The following CFAP161 variants were observed in gnomAD, a reference collection of about 807,000 sequenced individuals.
CFAP161 encodes cilia and flagella associated protein 161, also known as cilia- and flagella-associated protein 161.
CFAP161 carries 25 observed loss-of-function variants against 29.0 expected under a neutral mutation model. The ratio of observed to expected loss-of-function variants is 0.86; its 90% CI spans 0.63 to 1.20. The LOEUF is 1.20. Among genes scored for constraint, CFAP161 ranks in the 50% most tolerant of loss-of-function variants. The pLI is 0.00. For synonymous variants in CFAP161, 116 were observed against 137.4 expected (o/e 0.84, Z 1.09); for missense variants, 367 against 371.9 (o/e 0.99, Z 0.11).
At chr15:81,138,811 T>C (rs1285573202) in intron 4 of CFAP161, among the ~76,000 whole-genome samples, 2 of 152,210 alleles carry the variant, frequency 1.3e-5, no homozygotes, top group African/African-American at 4.8e-5. Context: ...AACTTGCCTT[T>C]GAGGTAGGGA....
At chr15:81,116,847 A>C (rs1274472688) in intron 1 of CFAP161, among the ~76,000 whole-genome samples, 1 of 152,204 alleles carries the variant, frequency 6.6e-6, no homozygotes, top group Non-Finnish European at 1.5e-5. Context: ...GAAAATTAGG[A>C]GAATTCAGGG....
intron 4 of CFAP161, among the ~76,000 whole-genome samples, chr15:81,143,326 A>G (rs1163945869): frequency 6.6e-6 from 1 of 152,156 alleles, no homozygotes. Context: ...AAAACAAAAC[A>G]AAACAAAACA....
chr15:81,109,848 C>G (rs1005040799), intron 1 of CFAP161, among the ~76,000 whole-genome samples: 1 of 152,074 alleles, frequency 6.6e-6, no homozygotes, highest in African/African-American at 2.4e-5. Flanking sequence ...CCACTGCAGG[C>G]TTCATCTTCA....
At chr15:81,128,110 T>A (rs1567155041) in intron 2 of CFAP161, among the ~76,000 whole-genome samples, 1 of 152,200 alleles carries the variant, frequency 6.6e-6, no homozygotes, top group Non-Finnish European at 1.5e-5. Context: ...TGTGTAAGGC[T>A]GTGGTTTTTG....
chr15:81,123,956 T>G (rs1894607682), intron 1 of CFAP161, among the ~76,000 whole-genome samples: 1 of 152,226 alleles, frequency 6.6e-6, no homozygotes, highest in Non-Finnish European at 1.5e-5. Context: ...GATGGGGTTT[T>G]CTAGATGTAG....
upstream of CFAP161, among the ~76,000 whole-genome samples, chr15:81,133,212 TA>T (rs1567156364): frequency 0.038 from 1,742 of 45,776 alleles, 119 homozygotes; most frequent in Non-Finnish European, 0.058. Context: ...TATATATATA[TA>T]TATATATATA....
intron 1 of CFAP161, among the ~76,000 whole-genome samples, chr15:81,122,683 G>C (rs964829334): frequency 3.3e-5 from 5 of 151,676 alleles, no homozygotes; most frequent in African/African-American, 1.2e-4. Flanking sequence ...ATAGAGACAG[G>C]GTTTCACTAT....
intron 2 of CFAP161, 56 bp downstream of exon 2, chr15:81,135,415 G>A (rs1168876527): frequency 1.6e-6 from 2 of 1,243,726 alleles, no homozygotes; most frequent in Non-Finnish European, 2.3e-6. Flanking sequence ...TGCACAACGT[G>A]CAGGTTTGTT....
chr15:81,120,143 C>A (rs910234239), intron 1 of CFAP161, among the ~76,000 whole-genome samples: 44 of 152,230 alleles, frequency 2.9e-4, no homozygotes, highest in African/African-American at 1.1e-3. Flanking sequence ...AGAAAAACCT[C>A]CTGTAGTGTG....
At chr15:81,116,399 T>G (rs950423429) in intron 1 of CFAP161, among the ~76,000 whole-genome samples, 5 of 152,232 alleles carry the variant, frequency 3.3e-5, no homozygotes, top group Admixed American at 6.5e-5. Flanking sequence ...GTTCAAGTGA[T>G]TCTCCTGCCT....
chr15:81,103,067 C>CATGATGATG lies in CFAP161; in HGVS notation c.-141-24510_-141-24502dup, dbSNP rs10626158. 5.3e-5 allele frequency among the ~76,000 whole-genome samples: 8 copies of CATGATGATG among 151,160 alleles called. No homozygotes were observed. In the East Asian group the frequency reaches 1.4e-3, roughly 26 times the overall value. ...GGAGAAAGAGAAGACCGAGGAAGCA[C>CATGATGATG]ATGATGATGATGATGATGATGGTGA... On this transcript the variant is annotated intron_variant, in intron 1 of 4. Coordinates refer to the CFAP161 transcript ENST00000560091.
At chr15:81,116,175 G>A (rs1372101333) in intron 1 of CFAP161, among the ~76,000 whole-genome samples, 3 of 152,208 alleles carry the variant, frequency 2.0e-5, no homozygotes, top group Non-Finnish European at 4.4e-5. Context: ...TAGGTTACCA[G>A]CTATTAACTG....
At chr15:81,144,949 T>A (rs115420421) in intron 5 of CFAP161, among the ~76,000 whole-genome samples, 2,074 of 152,276 alleles carry the variant, frequency 0.014, 42 homozygotes, top group African/African-American at 0.045. Context: ...GACTGGAACC[T>A]GAGGCATGGT....
At chr15:81,129,706 A>G (rs186561848), upstream of CFAP161, among the ~76,000 whole-genome samples, 16 of 152,272 alleles carry the variant, frequency 1.1e-4, no homozygotes, top group African/African-American at 3.9e-4. Flanking sequence ...CTAACAAGAT[A>G]CTCATCCTGT....
chr15:81,140,273 C>T lies in CFAP161; in HGVS notation c.477+2138C>T, dbSNP rs1415713944. 2.0e-5 allele frequency among the ~76,000 whole-genome samples: 3 copies of T among 152,108 alleles called. No homozygotes were observed. In the East Asian group the frequency reaches 5.8e-4, roughly 29 times the overall value. Reference sequence around the variant, plus strand: ...ATGTTTTTAAGACTGCTTCAGAGATCTGATAAAAAGAAAAACTAGAATTAG... The same window carrying T: ...ATGTTTTTAAGACTGCTTCAGAGATTTGATAAAAAGAAAAACTAGAATTAG... On this transcript the variant is annotated intron_variant, in intron 4 of 6. Coordinates refer to ENST00000286732, the MANE Select transcript of CFAP161 (RefSeq NM_173528.4).
At chr15:81,118,190 A>G (rs1041281003) in intron 1 of CFAP161, 11 of 470,640 alleles carry the variant, frequency 2.3e-5, no homozygotes, top group African/African-American at 2.3e-4. Context: ...CTGAGTACAA[A>G]TTTTTTCAAT....
intron 1 of CFAP161, among the ~76,000 whole-genome samples, chr15:81,127,010 G>C (rs896504579): frequency 6.6e-6 from 1 of 152,150 alleles, no homozygotes; most frequent in African/African-American, 2.4e-5. Flanking sequence ...TTCGAACTCT[G>C]AATTTTCCTT....
intron 1 of CFAP161, among the ~76,000 whole-genome samples, chr15:81,115,953 G>A (rs1894492707): frequency 1.3e-5 from 2 of 151,432 alleles, no homozygotes; most frequent in African/African-American, 4.9e-5. Context: ...CAGAATCTAG[G>A]CTTAAAGACA....
At chr15:81,140,402 A>G (rs973890685) in intron 4 of CFAP161, among the ~76,000 whole-genome samples, 2 of 152,166 alleles carry the variant, frequency 1.3e-5, no homozygotes, top group African/African-American at 4.8e-5. Context: ...TTTGTCCCAG[A>G]TGACTGGTCA....
Sources: gnomAD v4.1 joint callset for allele counts (sites outside exome capture counted in the v4.1 genomes callset) on GRCh38, gnomAD v4.1.1 for gene constraint, MANE v1.5 for transcripts, NCBI Gene and HGNC (gene_info 2026-07-23, HGNC 2026-07-21) for gene names.